DCSTAMP: variants seen among roughly 807,000 people sequenced by gnomAD.
DCSTAMP encodes dendritic cell-specific transmembrane protein.
In DCSTAMP, 25 loss-of-function variants were observed where a neutral mutation model predicts 33.8. The observed-to-expected ratio is 0.74, with a 90% CI of 0.54 to 1.03. The LOEUF (loss-of-function observed/expected upper bound fraction) is 1.03, where lower values mean the gene tolerates loss of function less well. Ranked by LOEUF, DCSTAMP falls within the 50% of genes least tolerant of loss-of-function variation. The probability of loss-of-function intolerance (pLI) is 0.00; values close to 1 mark genes in which losing one functional copy is unlikely to be tolerated. For missense variants in DCSTAMP, 531 were observed against 556.8 expected (o/e 0.95, Z 0.47); for synonymous variants, 245 against 216.7 (o/e 1.13, Z -1.15).
intron 1 of DCSTAMP, among the ~76,000 whole-genome samples, chr8:104,344,314 C>A (rs927014718): frequency 3.3e-5 from 5 of 151,552 alleles, no homozygotes; most frequent in Non-Finnish European, 7.4e-5. Context: ...AATTAAATAT[C>A]ATAATTAAAT....
At chr8:104,355,502 G>A (rs924433835) in intron 3 of DCSTAMP, among the ~76,000 whole-genome samples, 1 of 152,114 alleles carries the variant, frequency 6.6e-6, no homozygotes, top group Non-Finnish European at 1.5e-5. Flanking sequence ...AGTAAGATAT[G>A]CTTTCCTAGG....
chr8:104,354,794 T>C, intron 2 of DCSTAMP, 83 bp from the exon 3 acceptor site: 4 of 860,058 alleles, frequency 4.7e-6, no homozygotes. Flanking sequence ...GATAGTGCCA[T>C]GTGCTGCAGG....
intron 1 of DCSTAMP, among the ~76,000 whole-genome samples, chr8:104,343,133 T>C (rs547147616): frequency 1.3e-5 from 2 of 152,340 alleles, no homozygotes; most frequent in South Asian, 4.1e-4. Flanking sequence ...TCTATGATCA[T>C]GTCAAAGAGG....
At chr8:104,343,950 T>C (rs1481077385) in intron 1 of DCSTAMP, among the ~76,000 whole-genome samples, 1 of 152,260 alleles carries the variant, frequency 6.6e-6, no homozygotes, top group East Asian at 1.9e-4. Context: ...GGTTCTGCTA[T>C]GGCAGCACTG....
intron 1 of DCSTAMP, among the ~76,000 whole-genome samples, chr8:104,340,913 G>C (rs916371777): frequency 1.3e-5 from 2 of 152,204 alleles, no homozygotes; most frequent in African/African-American, 4.8e-5. Context: ...TTGTCCGTTT[G>C]GGTTTATTGT....
In DCSTAMP at chr8:104,348,827, GT is replaced by G; in HGVS notation, c.276del (p.Glu93LysfsTer6). On this transcript the variant is annotated frameshift_variant, in exon 2 of 4. Coordinates refer to ENST00000297581, the MANE Select transcript of DCSTAMP (RefSeq NM_030788.4). LOFTEE classifies it high-confidence loss of function. ...ILLVFLSCGLREGRNALIAAG... is the reference protein window; with the variant it reads ...ILLVFLSCGLXEGRNALIAAG... The stretch of plus-strand genomic sequence containing the variant: ...CTTGTCTTTCTCTCTTGTGGCCTGC[GT>G]GAAGGCAGGAATGCTTTGATTGCAG... The G allele has an allele frequency of 6.2e-7, 1 of 1,614,194 alleles. No homozygotes were observed. The highest frequency in any genetic ancestry group is 8.5e-7 in the Non-Finnish European group (1 of 1,180,050).
Position 104,356,174 on chromosome 8 carries a change from C to T in DCSTAMP, c.1389C>T (p.Asp463=), listed in dbSNP as rs897024088. The stretch of plus-strand genomic sequence containing the variant: ...AAATGATTAGGAAGAAGCAAATGGA[C>T]ATGGCAAGTGCAGACAAGTCATGAG... ...VLKMIRKKQM[D]MASADKS is the part of the protein sequence containing the mutation. The change falls in exon 4 of 4, where the codon GAC becomes GAT. Residue 463 remains aspartate (D), a synonymous_variant. Coordinates refer to ENST00000297581, the MANE Select transcript of DCSTAMP (RefSeq NM_030788.4). 3.1e-6 allele frequency: 5 copies of T among 1,613,072 alleles called. No homozygotes were observed. Among genetic ancestry groups the T allele is most frequent in the Non-Finnish European group, 3.4e-6 (4 of 1,179,528 alleles).
intron 1 of DCSTAMP, among the ~76,000 whole-genome samples, chr8:104,344,640 A>G (rs1810246539): frequency 1.3e-5 from 2 of 152,200 alleles, no homozygotes; most frequent in South Asian, 2.1e-4. Flanking sequence ...GATTCCCTCC[A>G]GTGATCACGT....
intron 2 of DCSTAMP, among the ~76,000 whole-genome samples, chr8:104,352,753 G>A (rs1018705659): frequency 2.7e-4 from 41 of 152,192 alleles, no homozygotes; most frequent in Admixed American, 8.5e-4. Context: ...CTGGGAGGGA[G>A]GTCACCATGA....
intron 1 of DCSTAMP, among the ~76,000 whole-genome samples, chr8:104,345,935 C>T (rs1487617260): frequency 6.6e-6 from 1 of 152,180 alleles, no homozygotes; most frequent in Non-Finnish European, 1.5e-5. Context: ...CAGCCACTGG[C>T]AGAAGGTGTG....
intron 1 of DCSTAMP, among the ~76,000 whole-genome samples, chr8:104,347,214 A>G (rs1446217436): frequency 6.6e-6 from 1 of 152,226 alleles, no homozygotes; most frequent in Admixed American, 6.5e-5. Flanking sequence ...CGATCTAGGA[A>G]AAAAGAAAAG....
chr8:104,351,130 A>G (rs780119943), intron 2 of DCSTAMP, among the ~76,000 whole-genome samples: 7 of 152,136 alleles, frequency 4.6e-5, no homozygotes, highest in Non-Finnish European at 8.8e-5. Flanking sequence ...AGCCATGGAC[A>G]AACAGAGAAG....
intron 2 of DCSTAMP, among the ~76,000 whole-genome samples, chr8:104,350,123 T>C (rs1564066490): frequency 6.6e-6 from 1 of 152,222 alleles, no homozygotes. Context: ...GATCTTTGAC[T>C]TAATAACATT....
Position 104,349,061 on chromosome 8 carries a change from C to A in DCSTAMP, c.509C>A (p.Thr170Asn), listed in dbSNP as rs1323382081. Reference sequence around the variant, plus strand: ...GATGACCTTGTTTCTTGGAACCAGACCCTGGCAGTCTCTCTTTTCAGTCCC... The same window carrying A: ...GATGACCTTGTTTCTTGGAACCAGAACCTGGCAGTCTCTCTTTTCAGTCCC... ...VFDDLVSWNQ[T>N]LAVSLFSPSH... The change falls in exon 2 of 4, where the codon ACC (threonine) becomes AAC (asparagine). Residue 170 changes from threonine to asparagine, a missense_variant. Coordinates refer to ENST00000297581, the MANE Select transcript of DCSTAMP (RefSeq NM_030788.4). 2 of 1,614,170 alleles carry A rather than the reference C, an allele frequency of 1.2e-6. No individual in the cohort carries two copies. Among genetic ancestry groups the A allele is most frequent in the Middle Eastern group, 1.6e-4 (1 of 6,062 alleles).
At chr8:104,352,013 A>C (rs770003034) in intron 2 of DCSTAMP, among the ~76,000 whole-genome samples, 1 of 152,212 alleles carries the variant, frequency 6.6e-6, no homozygotes, top group Non-Finnish European at 1.5e-5. Context: ...TGGGGTATCC[A>C]GTAGCTGTTT....
At chr8:104,356,047 A>G in intron 3 of DCSTAMP, 77 bp from the exon 4 acceptor site, 1 of 1,323,194 alleles carries the variant, frequency 7.6e-7, no homozygotes, top group Non-Finnish European at 1.0e-6. Flanking sequence ...TTAACCCCAC[A>G]ATGAAAAATT....
chr8:104,345,080 C>T (rs763984979), intron 1 of DCSTAMP, among the ~76,000 whole-genome samples: 4 of 152,042 alleles, frequency 2.6e-5, no homozygotes, highest in South Asian at 2.1e-4. Context: ...TGAGCCACCA[C>T]GCTCAGCCTC....
At chr8:104,347,627 C>T (rs143602472) in intron 1 of DCSTAMP, among the ~76,000 whole-genome samples, 14 of 152,102 alleles carry the variant, frequency 9.2e-5, no homozygotes, top group African/African-American at 3.1e-4. Context: ...TGTGGTCAGC[C>T]GGTGGGCCGG....
At chr8:104,346,497 A>G (rs1175982780) in intron 1 of DCSTAMP, among the ~76,000 whole-genome samples, 1 of 152,238 alleles carries the variant, frequency 6.6e-6, no homozygotes, top group Non-Finnish European at 1.5e-5. Flanking sequence ...TCCAAAAGGA[A>G]GCAAGCTTTC....
Sources: allele counts gnomAD v4.1 joint callset (sites outside exome capture counted in the v4.1 genomes callset), GRCh38; gene constraint gnomAD v4.1.1; transcripts MANE v1.5; gene names NCBI Gene and HGNC (gene_info 2026-07-23, HGNC 2026-07-21).